Variants in SORCS1 observed in about 807,000 individuals in gnomAD.
The protein encoded by SORCS1 is VPS10 domain-containing receptor SorCS1.
In SORCS1, 60 loss-of-function variants were observed where a neutral mutation model predicts 146.1. That is an observed-to-expected ratio of 0.41 (90% CI 0.33 to 0.51). The LOEUF is 0.51. Ranked by LOEUF, SORCS1 falls within the 20% of genes least tolerant of loss-of-function variation. The pLI is 0.21. For missense variants in SORCS1, 1,352 were observed against 1,487.6 expected, an observed-to-expected ratio of 0.91 and a Z score of 1.50; for synonymous variants, 637 against 584.0, an observed-to-expected ratio of 1.09 and a Z score of -1.31.
intron 2 of SORCS1, among the ~76,000 whole-genome samples, chr10:106,868,645 T>C (rs1020200343): frequency 6.6e-6 from 1 of 152,174 alleles, no homozygotes; most frequent in African/African-American, 2.4e-5. Context: ...TTGAAACTAA[T>C]GAGAACAAAG....
At chr10:106,591,389 C>T (rs56384268) in intron 24 of SORCS1, among the ~76,000 whole-genome samples, 2,889 of 152,192 alleles carry the variant, frequency 0.019, 36 homozygotes, top group Middle Eastern at 0.048. Flanking sequence ...TCCCTAGATG[C>T]TTATTGTGTA....
intron 17 of SORCS1, among the ~76,000 whole-genome samples, chr10:106,666,552 C>CTTTTT (rs201094771): frequency 6.8e-6 from 1 of 147,574 alleles, no homozygotes; most frequent in African/African-American, 2.5e-5. Flanking sequence ...ATAAATCTCT[C>CTTTTT]TCTTTTTTTT....
chr10:106,676,958 T>C (rs940410054), intron 13 of SORCS1, among the ~76,000 whole-genome samples: 1 of 152,160 alleles, frequency 6.6e-6, no homozygotes, highest in Non-Finnish European at 1.5e-5. Context: ...TGTTGACCAC[T>C]TCCTCTTCCT....
At chr10:106,808,492 GTTTA>G (rs1564683151) in intron 3 of SORCS1, among the ~76,000 whole-genome samples, 1 of 151,738 alleles carries the variant, frequency 6.6e-6, no homozygotes, top group Non-Finnish European at 1.5e-5. Flanking sequence ...ACAGAAAAGA[GTTTA>G]TTTATTTTAT....
intron 6 of SORCS1, among the ~76,000 whole-genome samples, chr10:106,714,092 C>G (rs745336928): frequency 2.4e-5 from 3 of 122,516 alleles, no homozygotes; most frequent in Admixed American, 1.1e-4. Flanking sequence ...GCTGGGATCA[C>G]GGCACTGCAC....
intron 1 of SORCS1, among the ~76,000 whole-genome samples, chr10:107,103,728 T>C (rs1405240678): frequency 6.6e-6 from 1 of 152,204 alleles, no homozygotes; most frequent in Non-Finnish European, 1.5e-5. Context: ...CCATCTGCAT[T>C]GTGCAGGCAT....
chr10:106,618,706 G>T (rs998360785), intron 20 of SORCS1, among the ~76,000 whole-genome samples: 7 of 152,026 alleles, frequency 4.6e-5, no homozygotes, highest in African/African-American at 1.7e-4. Flanking sequence ...TCATCTCCAG[G>T]GTGTACGATT....
chr10:106,726,484 G>A (rs907398477), intron 6 of SORCS1, among the ~76,000 whole-genome samples: 3 of 151,898 alleles, frequency 2.0e-5, no homozygotes, highest in Admixed American at 1.3e-4. Context: ...TGCCTTCAGG[G>A]AGCACAGGAA....
At chr10:106,692,704 T>C (rs1461580705) in intron 9 of SORCS1, among the ~76,000 whole-genome samples, 1 of 152,148 alleles carries the variant, frequency 6.6e-6, no homozygotes, top group Non-Finnish European at 1.5e-5. Context: ...AGGTTGAACA[T>C]CCCTAATCCA....
chr10:107,123,980 G>C (rs1410979630), intron 1 of SORCS1, among the ~76,000 whole-genome samples: 3 of 151,540 alleles, frequency 2.0e-5, no homozygotes, highest in Non-Finnish European at 4.4e-5. Context: ...CCAGCTACTC[G>C]GGAGGCTGAG....
intron 1 of SORCS1, 136 bp from the exon 2 acceptor site, chr10:106,956,716 C>G (rs914186031): frequency 2.9e-6 from 2 of 699,680 alleles, no homozygotes; most frequent in African/African-American, 3.6e-5. Context: ...GCATTTGCCA[C>G]ACTGACTGGG....
At chr10:107,092,883 G>GAAAAAA (rs34184443) in intron 1 of SORCS1, among the ~76,000 whole-genome samples, 61 of 61,506 alleles carry the variant, frequency 9.9e-4, no homozygotes, top group African/African-American at 3.6e-3. Flanking sequence ...AGAAGACCAT[G>GAAAAAA]AAAAAAAAAA....
chr10:107,101,362 G>A (rs568854829), intron 1 of SORCS1, among the ~76,000 whole-genome samples: 3 of 152,206 alleles, frequency 2.0e-5, no homozygotes, highest in Admixed American at 6.5e-5. Flanking sequence ...TTCATGTTTT[G>A]TAGAAACATG....
chr10:107,171,637 C>T, the SORCS1 span, among the ~76,000 whole-genome samples: 2 of 151,138 alleles, frequency 1.3e-5, no homozygotes, highest in African/African-American at 4.9e-5. Flanking sequence ...CTACCTCAGC[C>T]TCCCAGGTAT....
chr10:107,153,858 G>T (rs1969043739), intron 1 of SORCS1, among the ~76,000 whole-genome samples: 1 of 151,896 alleles, frequency 6.6e-6, no homozygotes, highest in South Asian at 2.1e-4. Context: ...ACCTTGCATA[G>T]AATCCTAACA....
intron 1 of SORCS1, among the ~76,000 whole-genome samples, chr10:107,005,362 A>G (rs577755121): frequency 6.6e-6 from 1 of 152,048 alleles, no homozygotes; most frequent in African/African-American, 2.4e-5. Context: ...GGTGGAGAAA[A>G]AGCTGAACAC....
intron 2 of SORCS1, among the ~76,000 whole-genome samples, chr10:106,912,767 C>T (rs979480553): frequency 3.3e-5 from 5 of 152,150 alleles, no homozygotes; most frequent in Admixed American, 1.3e-4. Context: ...CAACCTCCAC[C>T]TCCTGGGTTC....
At chr10:107,043,451 G>A (rs1287207264) in intron 1 of SORCS1, among the ~76,000 whole-genome samples, 1 of 152,142 alleles carries the variant, frequency 6.6e-6, no homozygotes, top group Non-Finnish European at 1.5e-5. Context: ...AGATATAAGG[G>A]AAACAGGCAA....
intron 22 of SORCS1, among the ~76,000 whole-genome samples, chr10:106,611,179 C>A (rs1011085736): frequency 6.6e-6 from 1 of 151,952 alleles, no homozygotes; most frequent in Non-Finnish European, 1.5e-5. Context: ...AAGGATAAAA[C>A]ACAACCACCT....
Sources: allele counts gnomAD v4.1 joint callset (sites outside exome capture counted in the v4.1 genomes callset), GRCh38; gene constraint gnomAD v4.1.1; transcripts MANE v1.5; gene names NCBI Gene and HGNC (gene_info 2026-07-23, HGNC 2026-07-21).